The following PPARGC1A variants were observed in gnomAD, a reference collection of about 807,000 sequenced individuals.
The protein encoded by PPARGC1A is peroxisome proliferator-activated receptor gamma coactivator 1-alpha.
PPARGC1A carries 25 observed loss-of-function variants against 88.7 expected under a neutral mutation model. That is an observed-to-expected ratio of 0.28 (90% CI 0.21 to 0.39). The LOEUF (loss-of-function observed/expected upper bound fraction) is 0.39, where lower values mean the gene tolerates loss of function less well. Ranked by LOEUF, PPARGC1A falls within the 10% of genes least tolerant of loss-of-function variation. The probability of loss-of-function intolerance (pLI) is 1.00; values close to 1 mark genes in which losing one functional copy is unlikely to be tolerated. For missense variants in PPARGC1A, 880 were observed against 968.7 expected (o/e 0.91, Z 1.22); for synonymous variants, 363 against 355.6 (o/e 1.02, Z -0.24).
At chr4:24,265,318 G>T in the PPARGC1A span, among the ~76,000 whole-genome samples, 1 of 152,106 alleles carries the variant, frequency 6.6e-6, no homozygotes, top group Non-Finnish European at 1.5e-5. Context: ...CCTATAAAAA[G>T]AAGTCATTAT....
chr4:24,439,680 TCAACA>T, the PPARGC1A span, among the ~76,000 whole-genome samples: 1 of 152,224 alleles, frequency 6.6e-6, no homozygotes. Flanking sequence ...AGAAAGCGTC[TCAACA>T]GTAGGCATAG....
chr4:24,200,551 C>T, the PPARGC1A span, among the ~76,000 whole-genome samples: 3 of 148,872 alleles, frequency 2.0e-5, no homozygotes, highest in Non-Finnish European at 4.4e-5. Flanking sequence ...ACACATGTAG[C>T]TTTCTATAGA....
chr4:24,359,853 G>A, the PPARGC1A span, among the ~76,000 whole-genome samples: 1 of 152,130 alleles, frequency 6.6e-6, no homozygotes, highest in Non-Finnish European at 1.5e-5. Context: ...ACCTTAGTTT[G>A]GAACAGTTCT....
the PPARGC1A span, among the ~76,000 whole-genome samples, chr4:24,086,270 C>T: frequency 7.2e-5 from 11 of 152,176 alleles, no homozygotes; most frequent in Non-Finnish European, 1.0e-4. Flanking sequence ...ATATCTACTG[C>T]CAGCTGAAGC....
chr4:24,398,284 C>T, the PPARGC1A span, among the ~76,000 whole-genome samples: 2 of 152,236 alleles, frequency 1.3e-5, no homozygotes, highest in South Asian at 2.1e-4. Flanking sequence ...TTATATGTAA[C>T]AGAATAGATT....
At chr4:24,122,436 T>TAGAGAGAGAG in the PPARGC1A span, among the ~76,000 whole-genome samples, 1 of 124,246 alleles carries the variant, frequency 8.0e-6, no homozygotes, top group Non-Finnish European at 1.6e-5. Flanking sequence ...TATATATATA[T>TAGAGAGAGAG]AGAGAGAGAG....
the PPARGC1A span, among the ~76,000 whole-genome samples, chr4:24,419,751 G>A: frequency 6.6e-6 from 1 of 151,918 alleles, no homozygotes; most frequent in African/African-American, 2.4e-5. Context: ...GAATCATCAG[G>A]GTTCTATCAC....
At chr4:24,135,349 C>T in the PPARGC1A span, among the ~76,000 whole-genome samples, 1 of 152,104 alleles carries the variant, frequency 6.6e-6, no homozygotes, top group Non-Finnish European at 1.5e-5. Flanking sequence ...TCCTCATCTC[C>T]ATTAAGTTAG....
the PPARGC1A span, among the ~76,000 whole-genome samples, chr4:24,130,057 G>A: frequency 6.6e-6 from 1 of 152,148 alleles, no homozygotes; most frequent in African/African-American, 2.4e-5. Context: ...TAAATGAGGA[G>A]TTACTGGGTG....
chr4:24,263,026 A>G, the PPARGC1A span, among the ~76,000 whole-genome samples: 1 of 152,118 alleles, frequency 6.6e-6, no homozygotes, highest in African/African-American at 2.4e-5. Context: ...GATTTTAACT[A>G]CTCCTGAAAG....
At chr4:24,174,257 A>T in the PPARGC1A span, among the ~76,000 whole-genome samples, 1 of 152,234 alleles carries the variant, frequency 6.6e-6, no homozygotes, top group Non-Finnish European at 1.5e-5. Context: ...AACCCTTTGC[A>T]GGTTCTGTGT....
chr4:23,984,918 G>A, the PPARGC1A span, among the ~76,000 whole-genome samples: 1 of 152,104 alleles, frequency 6.6e-6, no homozygotes, highest in Admixed American at 6.6e-5. Flanking sequence ...GCATTGGGAA[G>A]TTCTTGATGC....
the PPARGC1A span, among the ~76,000 whole-genome samples, chr4:24,100,559 T>C: frequency 2.0e-4 from 30 of 152,318 alleles, no homozygotes; most frequent in African/African-American, 7.2e-4. Context: ...ACGCCGCCTC[T>C]GGACGTTCAG....
chr4:24,306,151 G>T, the PPARGC1A span, among the ~76,000 whole-genome samples: 1 of 152,036 alleles, frequency 6.6e-6, no homozygotes, highest in African/African-American at 2.4e-5. Flanking sequence ...AAAACAACTG[G>T]GTCCCAAGAA....
At chr4:23,874,189 T>C (rs1035084424) in intron 2 of PPARGC1A, among the ~76,000 whole-genome samples, 2 of 152,232 alleles carry the variant, frequency 1.3e-5, no homozygotes, top group East Asian at 3.8e-4. Flanking sequence ...ACATATTCAC[T>C]GTGAATATTA....
the PPARGC1A span, among the ~76,000 whole-genome samples, chr4:24,076,142 C>A: frequency 3.3e-5 from 5 of 152,206 alleles, no homozygotes; most frequent in Admixed American, 6.5e-5. Context: ...CTGCCGCAAT[C>A]CTTTACATGG....
the PPARGC1A span, among the ~76,000 whole-genome samples, chr4:23,944,257 A>G: frequency 6.6e-6 from 1 of 152,222 alleles, no homozygotes; most frequent in Non-Finnish European, 1.5e-5. Context: ...TCTAAAATAA[A>G]AAGTTTATTT....
chr4:24,269,129 G>C, the PPARGC1A span, among the ~76,000 whole-genome samples: 1 of 152,018 alleles, frequency 6.6e-6, no homozygotes, highest in Non-Finnish European at 1.5e-5. Flanking sequence ...TAATGTACCA[G>C]CACCAGGAAG....
chr4:24,387,886 GAA>G, the PPARGC1A span, among the ~76,000 whole-genome samples: 37 of 114,348 alleles, frequency 3.2e-4, 1 homozygote, highest in East Asian at 2.2e-3. Flanking sequence ...GAGAAAGAAA[GAA>G]AGAAAGAAAA....
Sources: allele counts gnomAD v4.1 joint callset (sites outside exome capture counted in the v4.1 genomes callset), GRCh38; gene constraint gnomAD v4.1.1; transcripts MANE v1.5; gene names NCBI Gene and HGNC (gene_info 2026-07-23, HGNC 2026-07-21).